SLC38A12: variants seen among roughly 807,000 people sequenced by gnomAD.
SLC38A12 encodes the protein solute carrier family 38 member 12.
chr17:74,822,969 C>G, the SLC38A12 span, among the ~76,000 whole-genome samples: 1 of 152,200 alleles, frequency 6.6e-6, no homozygotes, highest in Non-Finnish European at 1.5e-5. Context: ...GCCAAGCTCA[C>G]CCCAGGCAGT....
At chr17:74,792,011 T>C in the SLC38A12 span, among the ~76,000 whole-genome samples, 37 of 151,572 alleles carry the variant, frequency 2.4e-4, no homozygotes, top group African/African-American at 7.5e-4. Flanking sequence ...CCGGGCATGG[T>C]GGCAGGCGCC....
the SLC38A12 span, chr17:74,838,948 G>A: frequency 5.2e-6 from 8 of 1,535,772 alleles, no homozygotes; most frequent in Non-Finnish European, 7.0e-6. Flanking sequence ...CCTGGCCCAG[G>A]AGCAGGTGTC....
chr17:74,837,794 G>A, the SLC38A12 span: 1 of 985,976 alleles, frequency 1.0e-6, no homozygotes, highest in Non-Finnish European at 1.2e-6. Flanking sequence ...AAACACAGGT[G>A]ACTCGAATGA....
chr17:74,808,958 C>T, the SLC38A12 span, among the ~76,000 whole-genome samples: 1 of 152,208 alleles, frequency 6.6e-6, no homozygotes, highest in South Asian at 2.1e-4. Flanking sequence ...GTGGCACCTT[C>T]CCCCACATGC....
chr17:74,837,091 T>G, the SLC38A12 span: 1 of 999,006 alleles, frequency 1.0e-6, no homozygotes, highest in Non-Finnish European at 1.2e-6. Context: ...TCCCCTCTCC[T>G]GCCCCATCCT....
chr17:74,826,508 C>T, the SLC38A12 span, among the ~76,000 whole-genome samples: 19 of 152,346 alleles, frequency 1.2e-4, no homozygotes, highest in Middle Eastern at 6.8e-3. Flanking sequence ...CTTTAGATTC[C>T]CTCCTTTCAG....
At chr17:74,836,748 G>T in the SLC38A12 span, 4 of 1,516,732 alleles carry the variant, frequency 2.6e-6, no homozygotes, top group Non-Finnish European at 3.5e-6. This position sits in a 1 kb window ranked among gnomAD's most constrained non-coding sequence, Gnocchi z 4.2. Flanking sequence ...CCCCTCGCCC[G>T]CAGAGCCCAG....
chr17:74,819,563 T>G, the SLC38A12 span, among the ~76,000 whole-genome samples: 1 of 152,208 alleles, frequency 6.6e-6, no homozygotes, highest in Non-Finnish European at 1.5e-5. Context: ...GCTCTGGAGC[T>G]TTTGTTCCAC....
At chr17:74,807,915 G>A in the SLC38A12 span, among the ~76,000 whole-genome samples, 1,391 of 152,326 alleles carry the variant, frequency 9.1e-3, 9 homozygotes, top group Non-Finnish European at 0.014. Context: ...GGATGTGCAG[G>A]TGCTAGATTC....
chr17:74,815,749 TC>T, the SLC38A12 span, among the ~76,000 whole-genome samples: 1 of 152,162 alleles, frequency 6.6e-6, no homozygotes, highest in African/African-American at 2.4e-5. Context: ...GGTTTAAAGA[TC>T]CATTCTCGGA....
At chr17:74,791,151 G>A in the SLC38A12 span, 1 of 913,158 alleles carries the variant, frequency 1.1e-6, no homozygotes, top group East Asian at 2.7e-5. Context: ...GGGCAGAGCA[G>A]GTGGTAGAGC....
At chr17:74,822,698 C>T in the SLC38A12 span, among the ~76,000 whole-genome samples, 1 of 152,210 alleles carries the variant, frequency 6.6e-6, no homozygotes, top group African/African-American at 2.4e-5. Flanking sequence ...ACAGCCCTCT[C>T]GCCAGAAGAA....
chr17:74,835,874 A>G, the SLC38A12 span: 1 of 1,530,392 alleles, frequency 6.5e-7, no homozygotes, highest in Non-Finnish European at 8.8e-7. Flanking sequence ...CCAGAAACTC[A>G]AGGTAGGGCC....
At chr17:74,787,621 T>C in the SLC38A12 span, among the ~76,000 whole-genome samples, 1 of 99,900 alleles carries the variant, frequency 1.0e-5, no homozygotes, top group African/African-American at 3.9e-5. Flanking sequence ...AGAGCGAGAC[T>C]CCGTCTCAAA....
chr17:74,777,936 A>C, the SLC38A12 span, among the ~76,000 whole-genome samples: 14 of 152,330 alleles, frequency 9.2e-5, no homozygotes, highest in Non-Finnish European at 1.6e-4. Flanking sequence ...AATAATGTTC[A>C]TCTCCAGGCT....
At chr17:74,790,326 C>T in the SLC38A12 span, 1 of 1,589,242 alleles carries the variant, frequency 6.3e-7, no homozygotes, top group Non-Finnish European at 8.6e-7. Flanking sequence ...CGGGCCCGCA[C>T]TTCCCTCCGG....
the SLC38A12 span, among the ~76,000 whole-genome samples, chr17:74,799,886 A>G: frequency 1.3e-5 from 2 of 152,222 alleles, no homozygotes; most frequent in East Asian, 1.9e-4. Flanking sequence ...AGAGGGAGTG[A>G]TGTGCCCACC....
chr17:74,804,505 A>G, the SLC38A12 span, among the ~76,000 whole-genome samples: 1 of 152,266 alleles, frequency 6.6e-6, no homozygotes, highest in Admixed American at 6.5e-5. Context: ...TAGGGTGCAC[A>G]TTAATGATGA....
chr17:74,823,258 G>A, the SLC38A12 span, among the ~76,000 whole-genome samples: 1 of 152,204 alleles, frequency 6.6e-6, no homozygotes, highest in Non-Finnish European at 1.5e-5. Flanking sequence ...GGAAGAATAA[G>A]CACCAAAGGG....
Sources: gnomAD v4.1 joint callset for allele counts (sites outside exome capture counted in the v4.1 genomes callset) on GRCh38, gnomAD v4.1.1 for gene constraint, Gnocchi (gnomAD v3.1) non-coding constraint, MANE v1.5 for transcripts, NCBI Gene and HGNC (gene_info 2026-07-23, HGNC 2026-07-21) for gene names.